The following KCND2 variants were observed in gnomAD, a reference collection of about 807,000 sequenced individuals.
The protein encoded by KCND2 is A-type voltage-gated potassium channel KCND2.
In KCND2, 16 loss-of-function variants were observed where a neutral mutation model predicts 54.4. The observed-to-expected ratio is 0.29, with a 90% confidence interval of 0.20 to 0.45. The LOEUF is 0.45. Ranked by LOEUF, KCND2 falls within the 20% of genes least tolerant of loss-of-function variation. The probability of loss-of-function intolerance (pLI) is 1.00; values close to 1 mark genes in which losing one functional copy is unlikely to be tolerated. For synonymous variants in KCND2, 317 were observed against 310.7 expected (o/e 1.02, Z -0.21); for missense variants, 486 against 824.2 (o/e 0.59, Z 5.02).
At chr7:120,739,245 G>C (rs1052472329) in intron 2 of KCND2, among the ~76,000 whole-genome samples, 5 of 152,004 alleles carry the variant, frequency 3.3e-5, no homozygotes, top group African/African-American at 1.2e-4. Flanking sequence ...GGAGGGAGGA[G>C]TTGGGAGTCA....
chr7:120,417,206 A>T (rs1801536341), intron 1 of KCND2, among the ~76,000 whole-genome samples: 1 of 152,192 alleles, frequency 6.6e-6, no homozygotes, highest in African/African-American at 2.4e-5. Context: ...TAAAATAAAT[A>T]CCTCTTAAAT....
chr7:120,521,393 T>G (rs1391333916), intron 1 of KCND2, among the ~76,000 whole-genome samples: 2 of 152,098 alleles, frequency 1.3e-5, no homozygotes, highest in African/African-American at 4.8e-5. Flanking sequence ...AAATGCATCT[T>G]TTACCTGTGT....
chr7:120,741,746 A>G, intron 3 of KCND2, 117 bp downstream of exon 3: 1 of 777,872 alleles, frequency 1.3e-6, no homozygotes, highest in Non-Finnish European at 2.3e-6. Flanking sequence ...CCAAACAACA[A>G]AAGTGTGTTT....
chr7:120,386,481 G>T (rs1285519623), intron 1 of KCND2, among the ~76,000 whole-genome samples: 1 of 151,902 alleles, frequency 6.6e-6, no homozygotes, highest in Non-Finnish European at 1.5e-5. Flanking sequence ...CCATGAACAG[G>T]CCCCAAAAAG....
At chr7:120,489,149 A>G (rs950131692) in intron 1 of KCND2, among the ~76,000 whole-genome samples, 3 of 152,142 alleles carry the variant, frequency 2.0e-5, no homozygotes, top group African/African-American at 4.8e-5. Context: ...TGTGAAACTA[A>G]TATCATCTTA....
chr7:120,617,511 A>G (rs182850789), intron 1 of KCND2, among the ~76,000 whole-genome samples: 21 of 152,344 alleles, frequency 1.4e-4, no homozygotes, highest in African/African-American at 4.8e-4. Context: ...GAGGTTGCAG[A>G]GTAACAGGAA....
chr7:120,605,370 A>G (rs886661513), intron 1 of KCND2, among the ~76,000 whole-genome samples: 3 of 152,210 alleles, frequency 2.0e-5, no homozygotes, highest in African/African-American at 7.2e-5. Context: ...TGTTTTCAAG[A>G]TTTATCCATG....
chr7:120,391,357 A>G (rs1801074589), intron 1 of KCND2, among the ~76,000 whole-genome samples: 1 of 152,094 alleles, frequency 6.6e-6, no homozygotes, highest in African/African-American at 2.4e-5. Flanking sequence ...GGCTGTTGTA[A>G]ATAGTGCTGC....
intron 1 of KCND2, among the ~76,000 whole-genome samples, chr7:120,514,286 C>T (rs1261011067): frequency 6.6e-6 from 1 of 152,184 alleles, no homozygotes; most frequent in East Asian, 1.9e-4. Flanking sequence ...ACTCAAAAGA[C>T]AGTTACAATG....
At chr7:120,380,129 A>G (rs964960342) in intron 1 of KCND2, among the ~76,000 whole-genome samples, 7 of 152,096 alleles carry the variant, frequency 4.6e-5, no homozygotes, top group Admixed American at 3.9e-4. Flanking sequence ...CTAGTTCAAT[A>G]TTAGATAACT....
chr7:120,348,433 A>T (rs907594063), intron 1 of KCND2, among the ~76,000 whole-genome samples: 1 of 152,176 alleles, frequency 6.6e-6, no homozygotes, highest in Non-Finnish European at 1.5e-5. Context: ...AATATTGACA[A>T]GACTATCAAT....
intron 1 of KCND2, among the ~76,000 whole-genome samples, chr7:120,523,702 C>CACACTGTGTG (rs1491350289): frequency 9.0e-5 from 10 of 111,030 alleles, no homozygotes; most frequent in African/African-American, 4.3e-4. Flanking sequence ...CACACACACA[C>CACACTGTGTG]TCTGTGTGTG....
intron 1 of KCND2, among the ~76,000 whole-genome samples, chr7:120,630,363 T>C (rs1041545955): frequency 7.9e-5 from 12 of 152,166 alleles, no homozygotes. Flanking sequence ...CTGTTGCATT[T>C]CTTCAATGTG....
chr7:120,414,663 A>G (rs2116117108), intron 1 of KCND2, among the ~76,000 whole-genome samples: 1 of 152,292 alleles, frequency 6.6e-6, no homozygotes, highest in East Asian at 1.9e-4. Context: ...AGTTTGTAGC[A>G]CAAGTTGGAT....
chr7:120,544,271 T>A (rs1792017247), intron 1 of KCND2, among the ~76,000 whole-genome samples: 1 of 151,900 alleles, frequency 6.6e-6, no homozygotes, highest in Non-Finnish European at 1.5e-5. Flanking sequence ...TAATTACAGC[T>A]GAGAGGATTA....
chr7:120,365,066 T>C (rs2116406206), intron 1 of KCND2, among the ~76,000 whole-genome samples: 1 of 151,998 alleles, frequency 6.6e-6, no homozygotes, highest in Admixed American at 6.6e-5. Context: ...AATAACAAGA[T>C]GGTGAGTATG....
intron 1 of KCND2, among the ~76,000 whole-genome samples, chr7:120,411,497 G>A (rs1801448160): frequency 6.6e-6 from 1 of 151,616 alleles, no homozygotes; most frequent in South Asian, 2.1e-4. Context: ...TATCAAATTA[G>A]GAAAATTAAT....
At chr7:120,356,164 C>A (rs1800500866) in intron 1 of KCND2, among the ~76,000 whole-genome samples, 1 of 151,764 alleles carries the variant, frequency 6.6e-6, no homozygotes, top group South Asian at 2.1e-4. Flanking sequence ...GGGAGGGCAC[C>A]TAATTTTTTA....
intron 1 of KCND2, among the ~76,000 whole-genome samples, chr7:120,630,503 T>C (rs977060347): frequency 1.3e-5 from 2 of 152,186 alleles, no homozygotes; most frequent in Admixed American, 6.5e-5. Context: ...ACAGAAACTG[T>C]TATACCAAAA....
Sources: gnomAD v4.1 joint callset for allele counts (sites outside exome capture counted in the v4.1 genomes callset) on GRCh38, gnomAD v4.1.1 for gene constraint, MANE v1.5 for transcripts, NCBI Gene and HGNC (gene_info 2026-07-23, HGNC 2026-07-21) for gene names.